The following SYNPR variants were observed in gnomAD, a reference collection of about 807,000 sequenced individuals.
SYNPR encodes the protein synaptoporin.
A neutral mutation model predicts 32.9 loss-of-function variants in SYNPR; 23 were observed. The ratio of observed to expected loss-of-function variants is 0.70; its 90% CI spans 0.50 to 0.99. The LOEUF (loss-of-function observed/expected upper bound fraction) is 0.99, where lower values mean the gene tolerates loss of function less well. SYNPR is among the 50% of genes least tolerant of loss of function. The pLI, the probability that SYNPR is intolerant of heterozygous loss-of-function variation, is 0.00. For missense variants in SYNPR, 318 were observed against 349.3 expected, an observed-to-expected ratio of 0.91 and a Z score of 0.71; for synonymous variants, 146 against 135.9, an observed-to-expected ratio of 1.07 and a Z score of -0.52.
intron 2 of SYNPR, among the ~76,000 whole-genome samples, chr3:63,444,843 C>T (rs1700244519): frequency 6.6e-6 from 1 of 152,052 alleles, no homozygotes; most frequent in African/African-American, 2.4e-5. Flanking sequence ...CCAAACCCAC[C>T]CAAGTTATTA....
intron 2 of SYNPR, among the ~76,000 whole-genome samples, chr3:63,318,608 G>T (rs527389755): frequency 7.9e-5 from 12 of 151,968 alleles, no homozygotes; most frequent in East Asian, 7.8e-4. Context: ...CTGAATTTTT[G>T]ATTGTTTTTT....
At chr3:63,391,243 G>C (rs903427269) in intron 2 of SYNPR, among the ~76,000 whole-genome samples, 10 of 152,128 alleles carry the variant, frequency 6.6e-5, no homozygotes, top group South Asian at 2.1e-4. Context: ...GACCACTGCA[G>C]AATCTGCCTC....
chr3:63,369,112 G>A (rs1299127226), intron 2 of SYNPR, among the ~76,000 whole-genome samples: 1 of 152,126 alleles, frequency 6.6e-6, no homozygotes, highest in African/African-American at 2.4e-5. Context: ...CTTAGAGTGG[G>A]AACTTAATCC....
At chr3:63,283,357 A>T (rs968288805) in intron 2 of SYNPR, among the ~76,000 whole-genome samples, 104 of 151,870 alleles carry the variant, frequency 6.8e-4, no homozygotes, top group Non-Finnish European at 9.4e-4. Context: ...GCCAATTTCA[A>T]GACTTGCAGG....
intron 2 of SYNPR, among the ~76,000 whole-genome samples, chr3:63,381,057 G>A (rs533386237): frequency 2.3e-4 from 35 of 152,210 alleles, no homozygotes; most frequent in African/African-American, 7.7e-4. Flanking sequence ...GGCCAGGGCA[G>A]TCGGGCAGGA....
At chr3:63,379,413 G>T (rs1299274605) in intron 2 of SYNPR, among the ~76,000 whole-genome samples, 2 of 152,070 alleles carry the variant, frequency 1.3e-5, no homozygotes, top group East Asian at 3.8e-4. Context: ...TTGGAAGGAG[G>T]TGTTAATGTC....
chr3:63,310,343 G>A lies in SYNPR; in HGVS notation c.84+31601G>A, dbSNP rs898724923. ...AGGGAATTTATTGGCTTACATGATT[G>A]AGAAGTCCAAGGATATAACCGCCTT... On this transcript the variant is annotated intron_variant, in intron 2 of 5. Transcript: ENST00000478300. Among the ~76,000 whole-genome samples the A allele has an allele frequency of 2.0e-5, 3 of 152,122 alleles. No homozygotes were observed. In the East Asian group the frequency reaches 5.8e-4, roughly 30 times the overall value.
chr3:63,352,309 T>C (rs1575607219), intron 2 of SYNPR, among the ~76,000 whole-genome samples: 1 of 152,020 alleles, frequency 6.6e-6, no homozygotes, highest in South Asian at 2.1e-4. Flanking sequence ...GTTCTCGAAG[T>C]GAATAAAAGA....
At chr3:63,355,054 G>A (rs1430044702) in intron 2 of SYNPR, among the ~76,000 whole-genome samples, 1 of 152,160 alleles carries the variant, frequency 6.6e-6, no homozygotes, top group African/African-American at 2.4e-5. Flanking sequence ...CAAGGCAGGT[G>A]GATCATTTGA....
At chr3:63,376,210 T>C (rs1396324882) in intron 2 of SYNPR, among the ~76,000 whole-genome samples, 2 of 152,206 alleles carry the variant, frequency 1.3e-5, no homozygotes, top group African/African-American at 4.8e-5. Context: ...CGTTCTAGTT[T>C]TGTCTTCTCT....
chr3:63,485,347 T>G (rs1380773473), intron 3 of SYNPR, among the ~76,000 whole-genome samples: 3 of 151,884 alleles, frequency 2.0e-5, no homozygotes, highest in Admixed American at 6.6e-5. Context: ...TCCCAGAATT[T>G]AAAGTAAAAT....
At chr3:63,337,232 C>CAA (rs67376099) in intron 2 of SYNPR, among the ~76,000 whole-genome samples, 2,067 of 54,422 alleles carry the variant, frequency 0.038, 43 homozygotes, top group African/African-American at 0.063. Flanking sequence ...ACTCTGTCTC[C>CAA]AAAAAAAAAA....
intron 2 of SYNPR, among the ~76,000 whole-genome samples, chr3:63,316,143 G>A (rs896467729): frequency 2.0e-5 from 3 of 151,982 alleles, no homozygotes; most frequent in African/African-American, 7.2e-5. Context: ...CAGTTAGCTA[G>A]TATTTTGTTA....
intron 2 of SYNPR, among the ~76,000 whole-genome samples, chr3:63,381,337 A>C (rs374277995): frequency 0.027 from 4,048 of 152,308 alleles, 165 homozygotes; most frequent in African/African-American, 0.091. Flanking sequence ...CTAGGAATCC[A>C]ACTTACAAGG....
intron 2 of SYNPR, among the ~76,000 whole-genome samples, chr3:63,469,726 CAT>C: frequency 6.6e-6 from 1 of 152,180 alleles, no homozygotes; most frequent in Admixed American, 6.5e-5. Context: ...ATACTTTAGC[CAT>C]ATGTTCTGAT....
chr3:63,209,303 G>A, the SYNPR span, among the ~76,000 whole-genome samples: 2 of 113,440 alleles, frequency 1.8e-5, no homozygotes, highest in Non-Finnish European at 3.4e-5. Flanking sequence ...GGGTGACAGC[G>A]AGACTCCGTC....
Position 63,616,443 on chromosome 3 carries a change from G to A in SYNPR, c.*962G>A, listed in dbSNP as rs367659350. The stretch of plus-strand genomic sequence containing the variant: ...CCTTGCTGAAGTATTTATTTATAAA[G>A]AATATTCTGTAGAACCTCTACTACC... On this transcript the variant is annotated 3_prime_UTR_variant, in exon 6 of 6. Coordinates refer to ENST00000478300, the MANE Select transcript of SYNPR (RefSeq NM_001130003.2). The A allele has an allele frequency of 6.6e-6, 1 of 152,440 alleles. No homozygotes were observed. Among genetic ancestry groups the A allele is most frequent in the East Asian group, 1.9e-4 (1 of 5,194 alleles). 9.4% of individuals were successfully genotyped at this position (152,440 alleles called of 1,614,324 possible). A position where few individuals can be genotyped will look rare whatever the true frequency, so the allele number is the denominator to read the frequency against.
At chr3:63,577,558 TGAGAA>T (rs1164666735) in intron 4 of SYNPR, among the ~76,000 whole-genome samples, 1 of 152,030 alleles carries the variant, frequency 6.6e-6, no homozygotes, top group Non-Finnish European at 1.5e-5. Flanking sequence ...GCTTTTTCTG[TGAGAA>T]GAGAACTAGA....
intron 3 of SYNPR, among the ~76,000 whole-genome samples, chr3:63,543,799 C>T (rs1702348868): frequency 6.6e-6 from 1 of 152,080 alleles, no homozygotes; most frequent in African/African-American, 2.4e-5. Context: ...TTCCTCAATG[C>T]CCTAGACACT....
Sources: gnomAD v4.1 joint callset for allele counts (sites outside exome capture counted in the v4.1 genomes callset) on GRCh38, gnomAD v4.1.1 for gene constraint, MANE v1.5 for transcripts, NCBI Gene and HGNC (gene_info 2026-07-23, HGNC 2026-07-21) for gene names.